The following ZNF596 variants were observed in gnomAD, a reference collection of about 807,000 sequenced individuals.
The protein encoded by ZNF596 is zinc finger protein 596.
A neutral mutation model predicts 48.3 loss-of-function variants in ZNF596; 45 were observed. The observed-to-expected ratio is 0.93, with a 90% CI of 0.73 to 1.19. ZNF596 has a LOEUF of 1.19. ZNF596 is among the 50% of genes most tolerant of loss of function. The probability of loss-of-function intolerance (pLI) is 0.00; values close to 1 mark genes in which losing one functional copy is unlikely to be tolerated. For synonymous variants in ZNF596, 270 were observed against 202.0 expected, an observed-to-expected ratio of 1.34 and a Z score of -2.85; for missense variants, 848 against 599.7, an observed-to-expected ratio of 1.41 and a Z score of -4.32.
chr8:235,479 T>TA (rs1451502907), intron 1 of ZNF596, among the ~76,000 whole-genome samples: 2 of 144,886 alleles, frequency 1.4e-5, no homozygotes, highest in Non-Finnish European at 3.0e-5. Flanking sequence ...TGTATGTATG[T>TA]TTTTTTTTTT....
At chr8:242,361 G>A (rs199853756) in intron 2 of ZNF596, among the ~76,000 whole-genome samples, 2 of 152,190 alleles carry the variant, frequency 1.3e-5, no homozygotes, top group Non-Finnish European at 2.9e-5. Context: ...TTTGTGGCTT[G>A]TATCTAAAAA....
At chr8:243,621 G>A (rs1796940584) in intron 3 of ZNF596, 101 bp from the exon 4 acceptor site, 1 of 1,119,410 alleles carries the variant, frequency 8.9e-7, no homozygotes, top group African/African-American at 1.6e-5. Context: ...CTGACCTTCA[G>A]TGGCTAACTT....
At chr8:240,770 G>C (rs1796820856) in intron 1 of ZNF596, 54 bp from the exon 2 acceptor site, 4 of 1,212,704 alleles carry the variant, frequency 3.3e-6, no homozygotes, top group Admixed American at 1.8e-5. Context: ...GCAGATGTTA[G>C]AAGCAAAACT....
intron 1 of ZNF596, chr8:237,447 C>T (rs1796663823): frequency 6.6e-6 from 1 of 152,186 alleles, no homozygotes; most frequent in Admixed American, 6.5e-5. Flanking sequence ...TTGAAGATCA[C>T]AGCTGTAGCC....
At position 247,181 on chromosome 8, in the gene ZNF596, A is replaced by G. The variant is rs986000957; in HGVS notation, c.*819A>G. 1.3e-5 allele frequency: 2 copies of G among 152,188 alleles called. No individual in the cohort carries two copies. Among genetic ancestry groups the G allele is most frequent in the African/African-American group, 4.8e-5 (2 of 41,446 alleles). 9.4% of individuals were successfully genotyped at this position (152,188 alleles called of 1,614,324 possible). A position where few individuals can be genotyped will look rare whatever the true frequency, so the allele number is the denominator to read the frequency against. On this transcript the variant is annotated 3_prime_UTR_variant, in exon 6 of 6. Coordinates refer to ENST00000398612, the MANE Select transcript of ZNF596 (RefSeq NM_001042416.3). ...TGTATAGCTGGGGGACAAAACATAAAGCCATCAAGCACGTGCTTGAGAAAA... is the reference window on the plus strand; with the variant it reads ...TGTATAGCTGGGGGACAAAACATAAGGCCATCAAGCACGTGCTTGAGAAAA...
chr8:235,496 T>C (rs903764709), intron 1 of ZNF596, among the ~76,000 whole-genome samples: 2 of 152,212 alleles, frequency 1.3e-5, no homozygotes, highest in African/African-American at 4.8e-5. Flanking sequence ...TTTTTAGATT[T>C]GGATAAAATG....
chr8:245,250 AGAAC>A lies in ZNF596; in HGVS notation c.407_410del (p.Thr136AsnfsTer4). ...GACTCAAAATGTGATTACCTACATGAGAACGAAACACTTTGTAAGCAAAAAGTTT... is the reference window on the plus strand; with the variant it reads ...GACTCAAAATGTGATTACCTACATGAGAAACACTTTGTAAGCAAAAAGTTT... On this transcript the variant is annotated frameshift_variant, in exon 6 of 6. Transcript: ENST00000398612. LOFTEE classifies it high-confidence loss of function. 1.9e-6 allele frequency: 3 copies of A among 1,614,098 alleles called. No individual in the cohort carries two copies. Among genetic ancestry groups the A allele is most frequent in the Non-Finnish European group, 2.5e-6 (3 of 1,180,000 alleles).
intron 1 of ZNF596, chr8:234,421 A>G (rs1429111211): frequency 6.6e-6 from 1 of 152,244 alleles, no homozygotes; most frequent in Non-Finnish European, 1.5e-5. Context: ...TCTTTTACAC[A>G]TGTTGAGTTA....
chr8:245,031 A>G (rs767152843), intron 5 of ZNF596, 123 bp from the exon 6 acceptor site: 45 of 1,204,112 alleles, frequency 3.7e-5, no homozygotes, highest in African/African-American at 6.1e-5. Context: ...TGATATAGGA[A>G]CAATTGTAAC....
intron 4 of ZNF596, 195 bp from the exon 5 acceptor site, chr8:244,424 T>G: frequency 1.8e-6 from 1 of 567,526 alleles, no homozygotes; most frequent in Non-Finnish European, 3.1e-6. Flanking sequence ...TTCCTCGACT[T>G]GCCTTTATTT....
upstream of ZNF596, chr8:232,205 G>A (rs1367838540): frequency 1.3e-5 from 2 of 155,324 alleles, no homozygotes; most frequent in Admixed American, 6.5e-5. Flanking sequence ...ACGCAGACAC[G>A]CGCTTTCAAC....
rs760616016 is a variant in ZNF596 at position 245,586 on chromosome 8, G to A, written c.739G>A (p.Gly247Arg). Reference protein sequence around the residue: ...DLRKHERTHTGEKPYGCHLCG... With the variant: ...DLRKHERTHTREKPYGCHLCG... ...TCGAAAACATGAGAGAACTCACACT[G>A]GAGAGAAGCCATATGGATGTCATCT... is the stretch of plus-strand genomic sequence containing the variant. Residue 247 changes from glycine to arginine, a missense_variant, in exon 6 of 6, where the codon GGA (glycine) becomes AGA (arginine). Transcript: ENST00000398612. 1.9e-6 allele frequency: 3 copies of A among 1,613,896 alleles called. No homozygotes were observed. The South Asian group carries it at 3.3e-5, about 18-fold the overall frequency.
chr8:244,606 TC>T lies in ZNF596; in HGVS notation c.224-12del. 7 of 1,594,984 alleles carry T rather than the reference TC, an allele frequency of 4.4e-6. No individual in the cohort carries two copies. The highest frequency in any genetic ancestry group is 1.7e-4 in the Middle Eastern group (1 of 6,004). On this transcript the variant is annotated splice_polypyrimidine_tract_variant and intron_variant, in intron 4 of 5. Coordinates refer to ENST00000398612, the MANE Select transcript of ZNF596 (RefSeq NM_001042416.3). Reference sequence around the variant, plus strand: ...ATGCCTATATAGCATCTTTTTTTTTTCATTTATTTCAGGTAGAGAAGTTGGC... The same window carrying T: ...ATGCCTATATAGCATCTTTTTTTTTTATTTATTTCAGGTAGAGAAGTTGGC...
Position 245,703 on chromosome 8 carries a change from A to G in ZNF596, c.856A>G (p.Lys286Glu), listed in dbSNP as rs1584916247. The G allele has an allele frequency of 6.2e-7, 1 of 1,614,182 alleles. No homozygotes were observed. The highest frequency in any genetic ancestry group is 8.5e-7 in the Non-Finnish European group (1 of 1,180,028). Residue 286 changes from lysine (K) to glutamate (E), a missense_variant, in exon 6 of 6, where the codon AAA becomes GAA. Lys to Glu is a moderately conservative substitution (Grantham distance 56). Coordinates refer to ENST00000398612, the MANE Select transcript of ZNF596 (RefSeq NM_001042416.3). Reference protein sequence around the residue: ...EKAQICHLCGKAFTHCSDLRK... With the variant: ...EKAQICHLCGEAFTHCSDLRK... ...AGCACAGATATGCCATCTATGTGGG[A>G]AAGCCTTCACTCATTGCTCTGACCT...
chr8:240,777 A>T, intron 1 of ZNF596, 47 bp from the exon 2 acceptor site: 1 of 1,304,582 alleles, frequency 7.7e-7, no homozygotes, highest in Non-Finnish European at 1.1e-6. Context: ...TTAGAAGCAA[A>T]ACTGGAGTGT....
chr8:237,797 C>G (rs1232028787), intron 1 of ZNF596: 2 of 152,224 alleles, frequency 1.3e-5, no homozygotes, highest in Non-Finnish European at 2.9e-5. Context: ...AGGCTGGACT[C>G]CAGATCCAAA....
At chr8:244,408 C>T (rs953696953) in intron 4 of ZNF596, 5 of 547,804 alleles carry the variant, frequency 9.1e-6, no homozygotes, top group Admixed American at 3.6e-5. Context: ...GAAAATTTTT[C>T]TTTCCTTCCT....
Position 246,426 on chromosome 8 carries a change from G to T in ZNF596, c.*64G>T, listed in dbSNP as rs911726801. On this transcript the variant is annotated 3_prime_UTR_variant, in exon 6 of 6. Coordinates refer to ENST00000398612, the MANE Select transcript of ZNF596 (RefSeq NM_001042416.3). The stretch of plus-strand genomic sequence containing the variant: ...GACAAACATACTACAGGAATATTAT[G>T]TCTGTAATCAGTGTGGAAAAGCCTT... The T allele has an allele frequency of 8.0e-6, 12 of 1,502,780 alleles. No individual in the cohort carries two copies. The African/African-American group carries it at 1.3e-4, about 16-fold the overall frequency. 93.1% of individuals were successfully genotyped at this position (1,502,780 alleles called of 1,614,324 possible). A position where few individuals can be genotyped will look rare whatever the true frequency, so the allele number is the denominator to read the frequency against.
In ZNF596 at chr8:242,992, A is replaced by G; in HGVS notation, c.118A>G (p.Ile40Val). 6.2e-7 allele frequency: 1 copy of G among 1,612,292 alleles called. No homozygotes were observed. The highest frequency in any genetic ancestry group is 8.5e-7 in the Non-Finnish European group (1 of 1,178,622). ...KLFQDVMLEN[I>V]SHLVSIGKQL... ...GTTTCAAGATGTGATGTTGGAGAAC[A>G]TCAGTCATCTGGTCTCTATTGGTGA... Residue 40 changes from isoleucine (I) to valine (V), a missense_variant, in exon 3 of 6, where the codon ATC becomes GTC. Transcript: ENST00000398612.
Sources: allele counts gnomAD v4.1 joint callset (sites outside exome capture counted in the v4.1 genomes callset), GRCh38; gene constraint gnomAD v4.1.1; transcripts MANE v1.5; gene names NCBI Gene and HGNC (gene_info 2026-07-23, HGNC 2026-07-21).